CLCN5: variants seen among roughly 807,000 people sequenced by gnomAD.
CLCN5 encodes the protein Cl-/H+ antiporter 5.
CLCN5 carries 17 observed loss-of-function variants against 54.0 expected under a neutral mutation model. That is an observed-to-expected ratio of 0.31 (90% CI 0.22 to 0.47). The LOEUF (loss-of-function observed/expected upper bound fraction) is 0.47, where lower values mean the gene tolerates loss of function less well. CLCN5 is among the 20% of genes least tolerant of loss of function. The pLI, the probability that CLCN5 is intolerant of heterozygous loss-of-function variation, is 1.00. For missense variants in CLCN5, 448 were observed against 646.7 expected, an observed-to-expected ratio of 0.69 and a Z score of 3.33; for synonymous variants, 222 against 233.0, an observed-to-expected ratio of 0.95 and a Z score of 0.43.
At chrX:49,933,432 C>T (rs781997459) in intron 3 of CLCN5, among the ~76,000 whole-genome samples, 4 of 111,776 alleles carry the variant, frequency 3.6e-5, no homozygotes, top group African/African-American at 1.3e-4. Context: ...CCCAAGCACA[C>T]AGTTGTGGAG....
chrX:50,070,712 G>A (rs1162531486), intron 5 of CLCN5, among the ~76,000 whole-genome samples: 15 of 111,810 alleles, frequency 1.3e-4, no homozygotes, highest in African/African-American at 4.5e-4. Context: ...TAATGTGATA[G>A]GTAATAGATG....
intron 3 of CLCN5, among the ~76,000 whole-genome samples, chrX:49,953,468 G>A (rs1364387836): frequency 2.7e-5 from 3 of 110,971 alleles, no homozygotes; most frequent in Non-Finnish European, 5.7e-5. Flanking sequence ...ACCATGGCCA[G>A]CTAATTTTTT....
intron 5 of CLCN5, among the ~76,000 whole-genome samples, chrX:50,070,986 A>G (rs902291011): frequency 9.0e-6 from 1 of 110,730 alleles, no homozygotes; most frequent in African/African-American, 3.3e-5. Flanking sequence ...TCAACCCACA[A>G]TAGGTATTAT....
chrX:50,046,244 C>T (rs941108546), intron 4 of CLCN5, among the ~76,000 whole-genome samples: 2 of 112,469 alleles, frequency 1.8e-5, no homozygotes, highest in Admixed American at 1.9e-4. Flanking sequence ...GCAGCCTGCA[C>T]CTTATGGTCA....
chrX:50,007,156 GC>G (rs782440547), intron 3 of CLCN5, among the ~76,000 whole-genome samples: 1 of 111,942 alleles, frequency 8.9e-6, no homozygotes, highest in Admixed American at 9.4e-5. Context: ...GAATGAAGAT[GC>G]ACTTCCTTGT....
intron 3 of CLCN5, among the ~76,000 whole-genome samples, chrX:49,974,581 G>A (rs1182105668): frequency 1.8e-5 from 2 of 111,771 alleles, no homozygotes; most frequent in Non-Finnish European, 3.8e-5. Flanking sequence ...GGCTCTGAGA[G>A]TGTAACTAAC....
At chrX:50,089,773 T>A (rs1181566467) in intron 12 of CLCN5, among the ~76,000 whole-genome samples, 2 of 111,717 alleles carry the variant, frequency 1.8e-5, no homozygotes, top group African/African-American at 6.5e-5. Context: ...TAGTCTCAGC[T>A]ACTCAGGAGG....
At chrX:49,989,320 A>G (rs1161871395) in intron 3 of CLCN5, among the ~76,000 whole-genome samples, 8 of 111,063 alleles carry the variant, frequency 7.2e-5, no homozygotes, top group Non-Finnish European at 1.5e-4. Flanking sequence ...TAATTGTTCC[A>G]TCTCTGTTAG....
chrX:50,075,296 G>A (rs1295575197), intron 6 of CLCN5, among the ~76,000 whole-genome samples: 1 of 110,700 alleles, frequency 9.0e-6, no homozygotes, highest in Non-Finnish European at 1.9e-5. Context: ...ATCTTCGTCA[G>A]CTCTCCTCTC....
At chrX:50,019,698 A>G (rs1931001035) in intron 3 of CLCN5, among the ~76,000 whole-genome samples, 2 of 34,129 alleles carry the variant, frequency 5.9e-5, no homozygotes, top group African/African-American at 1.2e-4. Context: ...TCATTGTTCA[A>G]TTCCCACCTA....
intron 4 of CLCN5, among the ~76,000 whole-genome samples, chrX:50,060,507 C>T (rs1203713013): frequency 1.9e-5 from 2 of 107,306 alleles, no homozygotes; most frequent in Non-Finnish European, 3.9e-5. Flanking sequence ...GAGGGTCCTA[C>T]GCCCACGGAA....
chrX:49,982,371 A>G (rs1181882515), intron 3 of CLCN5, among the ~76,000 whole-genome samples: 1 of 111,207 alleles, frequency 9.0e-6, no homozygotes, highest in Admixed American at 9.6e-5. Context: ...CTGAGGGGGA[A>G]AAAAGCAACT....
At chrX:49,927,038 C>G (rs1925382011) in intron 3 of CLCN5, among the ~76,000 whole-genome samples, 1 of 110,926 alleles carries the variant, frequency 9.0e-6, no homozygotes, top group African/African-American at 3.3e-5. Context: ...AGCTGATGGG[C>G]ATGGGGGTGG....
At chrX:49,992,080 T>A (rs1482480002) in intron 3 of CLCN5, among the ~76,000 whole-genome samples, 1 of 111,313 alleles carries the variant, frequency 9.0e-6, no homozygotes, top group Non-Finnish European at 1.9e-5. Context: ...CCAGGTGTTT[T>A]GAATTATATT....
chrX:49,932,467 A>G (rs1016458162), intron 3 of CLCN5, among the ~76,000 whole-genome samples: 1 of 112,277 alleles, frequency 8.9e-6, no homozygotes. Flanking sequence ...AAAATGAGAT[A>G]TAAGAGTCAG....
intron 3 of CLCN5, among the ~76,000 whole-genome samples, chrX:49,937,351 G>C (rs886735659): frequency 8.9e-6 from 1 of 111,779 alleles, no homozygotes; most frequent in South Asian, 3.7e-4. Flanking sequence ...TACACTGCTC[G>C]ACTTGTTTAC....
intron 3 of CLCN5, among the ~76,000 whole-genome samples, chrX:49,966,582 C>T (rs1557175474): frequency 1.8e-5 from 1 of 55,355 alleles, no homozygotes; most frequent in Non-Finnish European, 3.0e-5. Context: ...ATTTTTATAT[C>T]TCTGATCTTT....
At chrX:49,998,982 C>T (rs1273699756) in intron 3 of CLCN5, among the ~76,000 whole-genome samples, 1 of 110,443 alleles carries the variant, frequency 9.1e-6, no homozygotes, top group Non-Finnish European at 1.9e-5. Flanking sequence ...AGTGAATTTT[C>T]TAGTGCCACC....
At chrX:50,085,481 A>G (rs1933852801) in intron 9 of CLCN5, 2 of 187,371 alleles carry the variant, frequency 1.1e-5, no homozygotes, top group East Asian at 1.4e-4. Flanking sequence ...GACACAGGGT[A>G]CGAGAGACTC....
Sources: allele counts gnomAD v4.1 joint callset (sites outside exome capture counted in the v4.1 genomes callset), GRCh38; gene constraint gnomAD v4.1.1; transcripts MANE v1.5; gene names NCBI Gene and HGNC (gene_info 2026-07-23, HGNC 2026-07-21).